TSPAN13: variants seen among roughly 807,000 people sequenced by gnomAD.
TSPAN13 encodes the protein tetraspanin-13.
In TSPAN13, 18 loss-of-function variants were observed where a neutral mutation model predicts 26.9. The ratio of observed to expected loss-of-function variants is 0.67; its 90% CI spans 0.46 to 0.99. The LOEUF is 0.99. Ranked by LOEUF, TSPAN13 falls within the 50% of genes least tolerant of loss-of-function variation. TSPAN13 has a pLI of 0.00. For missense variants in TSPAN13, 201 were observed against 249.6 expected, an observed-to-expected ratio of 0.81 and a Z score of 1.31; for synonymous variants, 116 against 98.4, an observed-to-expected ratio of 1.18 and a Z score of -1.06.
chr7:16,776,191 C>T lies in TSPAN13; in HGVS notation c.64-20C>T, dbSNP rs1157195114. 6.2e-7 allele frequency: 1 copy of T among 1,611,028 alleles called. No individual in the cohort carries two copies. The highest frequency in any genetic ancestry group is 1.3e-5 in the African/African-American group (1 of 74,886). ...TCCTCTCTCTCGTCCTCTACCCCTG[C>T]CCCCTGGGTGTTTTTGCAGTTGGTT... is the stretch of plus-strand genomic sequence containing the variant. On this transcript the variant is annotated intron_variant, in intron 1 of 5. Coordinates refer to ENST00000262067, the MANE Select transcript of TSPAN13 (RefSeq NM_014399.4).
At chr7:16,767,505 T>G (rs1245176524) in intron 1 of TSPAN13, among the ~76,000 whole-genome samples, 1 of 152,242 alleles carries the variant, frequency 6.6e-6, no homozygotes, top group East Asian at 1.9e-4. Flanking sequence ...CAAACAAGGT[T>G]GTGGTAGAAT....
At chr7:16,781,247 T>C (rs765325109) in intron 5 of TSPAN13, among the ~76,000 whole-genome samples, 6 of 152,222 alleles carry the variant, frequency 3.9e-5, no homozygotes, top group Non-Finnish European at 5.9e-5. Context: ...AACAATCATT[T>C]ATATTGTGGC....
intron 5 of TSPAN13, among the ~76,000 whole-genome samples, chr7:16,781,543 C>G (rs1002942784): frequency 2.0e-5 from 3 of 152,188 alleles, no homozygotes; most frequent in Admixed American, 2.0e-4. Context: ...CTTTCTATCC[C>G]TCTCTGAACA....
At position 16,783,984 on chromosome 7, in the gene TSPAN13, G is replaced by A. The variant is rs1482387430; in HGVS notation, c.*493G>A. ...TTTTTTGGTCTTTTTAGGAAAGATTGTTGTGGTAAAAAGTGTTAGTATAAA... is the reference window on the plus strand; with the variant it reads ...TTTTTTGGTCTTTTTAGGAAAGATTATTGTGGTAAAAAGTGTTAGTATAAA... On this transcript the variant is annotated 3_prime_UTR_variant, in exon 6 of 6. Transcript: ENST00000262067. 6.7e-6 allele frequency: 1 copy of A among 149,872 alleles called. No individual in the cohort carries two copies. Among genetic ancestry groups the A allele is most frequent in the Non-Finnish European group, 1.5e-5 (1 of 67,408 alleles). 9.3% of individuals were successfully genotyped at this position (149,872 alleles called of 1,614,324 possible).
intron 1 of TSPAN13, among the ~76,000 whole-genome samples, chr7:16,764,973 C>T (rs1784589496): frequency 6.6e-6 from 1 of 151,862 alleles, no homozygotes. Flanking sequence ...GTTGCTCAGG[C>T]TGGTCTCCAA....
intron 1 of TSPAN13, among the ~76,000 whole-genome samples, chr7:16,761,302 T>A (rs549615197): frequency 1.3e-5 from 2 of 152,332 alleles, no homozygotes; most frequent in East Asian, 3.9e-4. Context: ...GGTTTTAGCT[T>A]CAACACTCAA....
intron 5 of TSPAN13, among the ~76,000 whole-genome samples, chr7:16,781,653 A>C (rs1784814597): frequency 1.3e-5 from 2 of 152,098 alleles, no homozygotes; most frequent in South Asian, 4.2e-4. Flanking sequence ...ATGAGTATTT[A>C]GTTTGTTTGA....
intron 1 of TSPAN13, among the ~76,000 whole-genome samples, chr7:16,774,001 C>T (rs978783582): frequency 6.6e-6 from 1 of 152,116 alleles, no homozygotes; most frequent in African/African-American, 2.4e-5. Context: ...TAGATGTTGC[C>T]GCAAAAATAT....
intron 1 of TSPAN13, among the ~76,000 whole-genome samples, chr7:16,767,951 T>C (rs1194178258): frequency 6.6e-6 from 1 of 152,200 alleles, no homozygotes; most frequent in Non-Finnish European, 1.5e-5. Flanking sequence ...TCGCTCTTGT[T>C]GCCCAAGCTG....
At chr7:16,763,793 A>G (rs1784575590) in intron 1 of TSPAN13, among the ~76,000 whole-genome samples, 1 of 152,152 alleles carries the variant, frequency 6.6e-6, no homozygotes, top group South Asian at 2.1e-4. Context: ...GCCAGTCATT[A>G]AGGGTCGTAC....
At position 16,783,609 on chromosome 7, in the gene TSPAN13, G is replaced by A. The variant is rs1371675343; in HGVS notation, c.*118G>A. On this transcript the variant is annotated 3_prime_UTR_variant, in exon 6 of 6. Transcript: ENST00000262067. Reference sequence around the variant, plus strand: ...ACACTATCTGGAAAAGTACCTTATTGATAGTGGAATTATATATTTTTACTC... The same window carrying A: ...ACACTATCTGGAAAAGTACCTTATTAATAGTGGAATTATATATTTTTACTC... 4 of 875,664 alleles carry A rather than the reference G, an allele frequency of 4.6e-6. No individual in the cohort carries two copies. The highest frequency in any genetic ancestry group is 7.4e-6 in the Non-Finnish European group (4 of 542,408). 54.2% of individuals were successfully genotyped at this position (875,664 alleles called of 1,614,324 possible).
chr7:16,764,812 T>G (rs998599510), intron 1 of TSPAN13, among the ~76,000 whole-genome samples: 2 of 152,052 alleles, frequency 1.3e-5, no homozygotes, highest in Non-Finnish European at 2.9e-5. Context: ...TGCAGTTCTA[T>G]AGGGAGAAAA....
intron 1 of TSPAN13, 22 bp downstream of exon 1, chr7:16,754,052 C>G: frequency 5.6e-6 from 9 of 1,611,618 alleles, no homozygotes; most frequent in Non-Finnish European, 7.6e-6. Context: ...CAGTCCGTTC[C>G]TGCTCGCTTG....
At chr7:16,783,331 C>A in intron 5 of TSPAN13, 86 bp from the exon 6 acceptor site, 1 of 1,358,498 alleles carries the variant, frequency 7.4e-7, no homozygotes, top group South Asian at 1.2e-5. Context: ...TTGAGAGGGT[C>A]CAAAGTTATT....
chr7:16,778,531 A>G (rs1784779992), intron 4 of TSPAN13, among the ~76,000 whole-genome samples: 1 of 152,140 alleles, frequency 6.6e-6, no homozygotes, highest in Admixed American at 6.6e-5. Context: ...CCCCACGCTC[A>G]GTGGTTGTTG....
At chr7:16,779,456 A>G (rs1365131089) in intron 5 of TSPAN13, among the ~76,000 whole-genome samples, 1 of 152,084 alleles carries the variant, frequency 6.6e-6, no homozygotes, top group Non-Finnish European at 1.5e-5. Context: ...CACATTGTTT[A>G]ATATGTATGT....
At chr7:16,756,066 A>G (rs1014198509) in intron 1 of TSPAN13, among the ~76,000 whole-genome samples, 1 of 152,206 alleles carries the variant, frequency 6.6e-6, no homozygotes, top group Admixed American at 6.5e-5. Flanking sequence ...TTTACATTGT[A>G]AATAGGCTTA....
chr7:16,761,176 A>G (rs1430848264), intron 1 of TSPAN13, among the ~76,000 whole-genome samples: 4 of 152,080 alleles, frequency 2.6e-5, no homozygotes, highest in Non-Finnish European at 5.9e-5. Flanking sequence ...TTTTTTGCCT[A>G]GTAAGTATAA....
intron 1 of TSPAN13, among the ~76,000 whole-genome samples, chr7:16,774,437 CCTT>C (rs370027795): frequency 7.9e-5 from 12 of 152,316 alleles, no homozygotes; most frequent in East Asian, 1.9e-4. Flanking sequence ...ATCCAGCACT[CCTT>C]CTTCCTTCGC....
Sources: gnomAD v4.1 joint callset for allele counts (sites outside exome capture counted in the v4.1 genomes callset) on GRCh38, gnomAD v4.1.1 for gene constraint, MANE v1.5 for transcripts, NCBI Gene and HGNC (gene_info 2026-07-23, HGNC 2026-07-21) for gene names.